SLC25A17: variants seen among roughly 807,000 people sequenced by gnomAD.
SLC25A17 encodes the protein peroxisomal membrane protein PMP34.
In SLC25A17, 26 loss-of-function variants were observed where a neutral mutation model predicts 38.5. The ratio of observed to expected loss-of-function variants is 0.68; its 90% confidence interval spans 0.50 to 0.94. SLC25A17 has a LOEUF of 0.94. SLC25A17 is among the 40% of genes least tolerant of loss of function. The pLI is 0.00. For missense variants in SLC25A17, 333 were observed against 372.7 expected, an observed-to-expected ratio of 0.89 and a Z score of 0.88; for synonymous variants, 139 against 136.2, an observed-to-expected ratio of 1.02 and a Z score of -0.14.
At position 40,808,858 on chromosome 22, in the gene SLC25A17, A is replaced by C. The variant is rs79619619; in HGVS notation, c.55-9775T>G. On this transcript the variant is annotated intron_variant, in intron 1 of 8. Coordinates refer to ENST00000435456, the MANE Select transcript of SLC25A17 (RefSeq NM_006358.4). ...ATAAGAATCATTATGAAATAATAAA[A>C]TGCTATTTGCCTTTCTCATTCTTAT... Among the ~76,000 whole-genome samples the C allele has an allele frequency of 8.1e-3, 1,230 of 152,334 alleles. 11 individuals are homozygous for C. The highest frequency in any genetic ancestry group is 0.014 in the Middle Eastern group (4 of 294).
intron 4 of SLC25A17, chr22:40,789,000 G>GGTAT (rs2057362168): frequency 3.1e-6 from 1 of 318,538 alleles, no homozygotes; most frequent in Non-Finnish European, 6.3e-6. Context: ...AGGTATGCAT[G>GGTAT]GTATGTGTTT....
Position 40,809,460 on chromosome 22 carries a change from AC to A in SLC25A17, c.54+9734del, listed in dbSNP as rs978859865. ...TGAAACATGTAGAAACCCAGTCTCT[AC>A]AAAAAAATTAAAAAAAAAAAAATTA... On this transcript the variant is annotated intron_variant, in intron 1 of 8. Coordinates refer to ENST00000435456, the MANE Select transcript of SLC25A17 (RefSeq NM_006358.4). 2.2e-4 allele frequency among the ~76,000 whole-genome samples: 23 copies of A among 105,970 alleles called. No homozygotes were observed. In the Admixed American group the frequency reaches 2.4e-3, roughly 11 times the overall value. The allele number at this position is 105,970 out of a possible 152,430, so 69.5% of individuals were successfully genotyped here. A position where few individuals can be genotyped will look rare whatever the true frequency, so the allele number is the denominator to read the frequency against.
At chr22:40,783,940 G>A (rs1007804969) in intron 4 of SLC25A17, among the ~76,000 whole-genome samples, 9 of 151,936 alleles carry the variant, frequency 5.9e-5, no homozygotes, top group Non-Finnish European at 1.0e-4. Flanking sequence ...TCCTGACCTC[G>A]GTAATCCACC....
intron 7 of SLC25A17, among the ~76,000 whole-genome samples, chr22:40,776,459 C>A (rs920270883): frequency 6.6e-6 from 1 of 152,234 alleles, no homozygotes; most frequent in Non-Finnish European, 1.5e-5. Context: ...GAGAAGGAAG[C>A]AAACTTATGC....
chr22:40,807,265 A>C (rs2057538634), intron 1 of SLC25A17, among the ~76,000 whole-genome samples: 1 of 152,212 alleles, frequency 6.6e-6, no homozygotes, highest in African/African-American at 2.4e-5. Context: ...ATTAATCCTC[A>C]CAACAACCCA....
rs565904285 is a variant in SLC25A17, at chr22:40,801,145, A to G, written c.55-2062T>C. ...ATATATTACATATATATATATATAT[A>G]TATATATATATATATATATATATGT... On this transcript the variant is annotated intron_variant, in intron 1 of 8. Transcript: ENST00000435456. Among the ~76,000 whole-genome samples the G allele has an allele frequency of 5.4e-4, 69 of 127,530 alleles. 1 individual carries two copies. In the South Asian group the frequency reaches 0.011, roughly 20 times the overall value. The allele number at this position is 127,530 out of a possible 152,430, so 83.7% of individuals were successfully genotyped here.
chr22:40,816,842 C>T (rs1051118104), intron 1 of SLC25A17, among the ~76,000 whole-genome samples: 4 of 152,094 alleles, frequency 2.6e-5, no homozygotes, highest in Non-Finnish European at 5.9e-5. Context: ...AACTCCTGAC[C>T]TCAGGCGATC....
chr22:40,779,949 T>C (rs780477801), intron 4 of SLC25A17: 5 of 152,386 alleles, frequency 3.3e-5, no homozygotes, highest in Non-Finnish European at 5.9e-5. Context: ...GCCTGACACA[T>C]GGTATATACT....
chr22:40,787,082 T>C (rs2057344810), intron 4 of SLC25A17, among the ~76,000 whole-genome samples: 1 of 152,216 alleles, frequency 6.6e-6, no homozygotes, highest in Non-Finnish European at 1.5e-5. Flanking sequence ...AGATGCCATG[T>C]TGGAGCACAT....
At chr22:40,802,715 TG>T (rs2057493952) in intron 1 of SLC25A17, among the ~76,000 whole-genome samples, 1 of 152,186 alleles carries the variant, frequency 6.6e-6, no homozygotes, top group Non-Finnish European at 1.5e-5. Flanking sequence ...CTGGAAAGAC[TG>T]GATCAAGAGG....
chr22:40,813,964 T>C lies in SLC25A17; in HGVS notation c.54+5231A>G, dbSNP rs1034149039. The stretch of plus-strand genomic sequence containing the variant: ...TCTTTCAGAAGGAGCTTCAGAAAGG[T>C]AGAAGGGTCAACAGTATAGAATACT... On this transcript the variant is annotated intron_variant, in intron 1 of 8. Coordinates refer to ENST00000435456, the MANE Select transcript of SLC25A17 (RefSeq NM_006358.4). The C allele has an allele frequency of 1.3e-5, 2 of 152,434 alleles. 1 individual carries two copies. The highest frequency in any genetic ancestry group is 2.9e-5 in the Non-Finnish European group (2 of 68,164). The allele number at this position is 152,434 out of a possible 1,614,324, so 9.4% of individuals were successfully genotyped here. A position where few individuals can be genotyped will look rare whatever the true frequency, so the allele number is the denominator to read the frequency against.
At chr22:40,810,161 G>C (rs990171279) in intron 1 of SLC25A17, among the ~76,000 whole-genome samples, 1 of 152,056 alleles carries the variant, frequency 6.6e-6, no homozygotes, top group African/African-American at 2.4e-5. Flanking sequence ...CCTGATACAA[G>C]AGCATCCAAG....
intron 1 of SLC25A17, among the ~76,000 whole-genome samples, chr22:40,809,147 G>T (rs946149038): frequency 6.6e-6 from 1 of 151,638 alleles, no homozygotes; most frequent in East Asian, 1.9e-4. Flanking sequence ...GGAATTTTAG[G>T]TATGAGCAAC....
chr22:40,792,558 T>C lies in SLC25A17; in HGVS notation c.301A>G (p.Thr101Ala), dbSNP rs113893475. The C allele has an allele frequency of 6.2e-7, 1 of 1,613,436 alleles. No homozygotes were observed. Among genetic ancestry groups the C allele is most frequent in the Non-Finnish European group, 8.5e-7 (1 of 1,179,634 alleles). Residue 101 changes from threonine (T) to alanine (A), a missense_variant, in exon 4 of 9, where the codon ACT becomes GCT. Coordinates refer to ENST00000435456, the MANE Select transcript of SLC25A17 (RefSeq NM_006358.4). ...AACCCAACTACCAGATCTTTTCCAGTGGTAGAATGTTGACCTTTGACCCAG... is the reference window on the plus strand; with the variant it reads ...AACCCAACTACCAGATCTTTTCCAGCGGTAGAATGTTGACCTTTGACCCAG... ...ALWVKGQHST[T>A]GKDLVVGFVA...
At chr22:40,784,960 C>T (rs2057325626) in intron 4 of SLC25A17, among the ~76,000 whole-genome samples, 1 of 152,060 alleles carries the variant, frequency 6.6e-6, no homozygotes, top group Admixed American at 6.6e-5. Flanking sequence ...GTTTCTGTAC[C>T]TCACTTCTGA....
Position 40,770,903 on chromosome 22 carries a change from G to A in SLC25A17, c.855C>T (p.Phe285=). The A allele has an allele frequency of 6.2e-7, 1 of 1,613,524 alleles. No individual in the cohort carries two copies. The highest frequency in any genetic ancestry group is 1.1e-5 in the South Asian group (1 of 91,020). Residue 285 remains phenylalanine, a synonymous_variant, in exon 9 of 9, where the codon TTC becomes TTT. Transcript: ENST00000435456. ...CAGCTGTCAGTTTCTCATAAACAAG[G>A]AACATGAGAGCAGCAGTGAGGACTG... The part of the protein sequence containing the change: ...LQTVLTAALM[F]LVYEKLTAAT...
At chr22:40,792,810 CTG>C (rs1163816448) in intron 3 of SLC25A17, 134 bp from the exon 4 acceptor site, 7 of 730,100 alleles carry the variant, frequency 9.6e-6, no homozygotes, top group Non-Finnish European at 1.6e-5. Flanking sequence ...GGACTCCAAA[CTG>C]TACACACACC....
At chr22:40,809,155 A>C (rs2057555598) in intron 1 of SLC25A17, among the ~76,000 whole-genome samples, 1 of 152,026 alleles carries the variant, frequency 6.6e-6, no homozygotes, top group Non-Finnish European at 1.5e-5. Context: ...AGGTATGAGC[A>C]ACCACACCCA....
intron 1 of SLC25A17, among the ~76,000 whole-genome samples, chr22:40,815,892 A>G (rs1568991599): frequency 6.6e-6 from 1 of 152,204 alleles, no homozygotes; most frequent in Admixed American, 6.5e-5. Context: ...ACAAAGTTAG[A>G]AAAGTAATTC....
Sources: gnomAD v4.1 joint callset for allele counts (sites outside exome capture counted in the v4.1 genomes callset) on GRCh38, gnomAD v4.1.1 for gene constraint, MANE v1.5 for transcripts, NCBI Gene and HGNC (gene_info 2026-07-23, HGNC 2026-07-21) for gene names.